Variants in MTDH observed in about 807,000 individuals in gnomAD.
MTDH encodes metadherin.
Under a neutral mutation model 72.7 loss-of-function variants are expected in MTDH, and 34 were observed. The ratio of observed to expected loss-of-function variants is 0.47; its 90% CI spans 0.36 to 0.62. The LOEUF (loss-of-function observed/expected upper bound fraction) is 0.62, where lower values mean the gene tolerates loss of function less well. Among genes scored for constraint, MTDH ranks in the 20% least tolerant of loss-of-function variants. MTDH has a pLI of 0.00. For missense variants in MTDH, 677 were observed against 699.4 expected (o/e 0.97, Z 0.36); for synonymous variants, 266 against 268.9 (o/e 0.99, Z 0.10).
At chr8:97,658,278 G>A (rs1202959489) in intron 1 of MTDH, among the ~76,000 whole-genome samples, 1 of 152,186 alleles carries the variant, frequency 6.6e-6, no homozygotes, top group Non-Finnish European at 1.5e-5. Context: ...TGCAAAGAAG[G>A]AACTAAAATT....
At chr8:97,699,604 TTTAAC>T (rs1343479771) in intron 6 of MTDH, 145 bp from the exon 7 acceptor site, 14 of 544,478 alleles carry the variant, frequency 2.6e-5, no homozygotes, top group South Asian at 7.0e-5. Flanking sequence ...TACTTTTCCT[TTTAAC>T]TTAATTCTTT....
chr8:97,677,033 A>ATTCAAAAT (rs1812878876), intron 2 of MTDH, among the ~76,000 whole-genome samples: 1 of 132,276 alleles, frequency 7.6e-6, no homozygotes, highest in Non-Finnish European at 1.7e-5. Context: ...AAATACAAAA[A>ATTCAAAAT]TTAGCCAGGC....
chr8:97,693,770 C>G (rs978163998), intron 6 of MTDH, among the ~76,000 whole-genome samples: 1 of 152,102 alleles, frequency 6.6e-6, no homozygotes, highest in African/African-American at 2.4e-5. Context: ...GGCTGGAGTG[C>G]AGTGGTGTGA....
intron 1 of MTDH, 45 bp from the exon 2 acceptor site, chr8:97,661,027 C>A: frequency 6.8e-7 from 1 of 1,465,234 alleles, no homozygotes; most frequent in Non-Finnish European, 9.5e-7. Context: ...TTGCACTGAT[C>A]TGCTAAGCAG....
At chr8:97,695,720 T>A (rs1336133599) in intron 6 of MTDH, among the ~76,000 whole-genome samples, 1 of 152,164 alleles carries the variant, frequency 6.6e-6, no homozygotes, top group Non-Finnish European at 1.5e-5. Flanking sequence ...ATCTATTAGG[T>A]ATGAATCTCT....
chr8:97,673,034 T>A (rs2130961947), intron 2 of MTDH, among the ~76,000 whole-genome samples: 1 of 152,318 alleles, frequency 6.6e-6, no homozygotes, highest in South Asian at 2.1e-4. Flanking sequence ...CTGTATGTAA[T>A]TCAGTCTAAT....
chr8:97,683,045 CTTTTTTTTTTTTTTTTTTTTTTTT>C lies in MTDH; in HGVS notation c.484-3609_484-3586del, dbSNP rs71271144. On this transcript the variant is annotated intron_variant, in intron 2 of 11. Coordinates refer to ENST00000336273, the MANE Select transcript of MTDH (RefSeq NM_178812.4). The stretch of plus-strand genomic sequence containing the variant: ...CTTTACCCTATGATGCTCTTAGACA[CTTTTTTTTTTTTTTTTTTTTTTTT>C]TTTTTTTTTTTTTGAGATGGAGTCT... Among the ~76,000 whole-genome samples, 5 of 44,386 alleles carry C rather than the reference CTTTTTTTTTTTTTTTTTTTTTTTT, an allele frequency of 1.1e-4. No individual in the cohort carries two copies. In the East Asian group the frequency reaches 3.0e-3, roughly 27 times the overall value. The allele number at this position is 44,386 out of a possible 152,430, so 29.1% of individuals were successfully genotyped here.
chr8:97,682,237 T>TAC, intron 2 of MTDH, among the ~76,000 whole-genome samples: 1 of 2,284 alleles, frequency 4.4e-4, no homozygotes, highest in Non-Finnish European at 9.3e-4. Context: ...ACTTTATATA[T>TAC]ATATATATAT....
chr8:97,696,004 A>G (rs1442822771), intron 6 of MTDH, among the ~76,000 whole-genome samples: 3 of 152,244 alleles, frequency 2.0e-5, no homozygotes, highest in Non-Finnish European at 2.9e-5. Flanking sequence ...CTGCCTAGCA[A>G]AGTTTCTGTA....
At chr8:97,698,296 G>T (rs1435973603) in intron 6 of MTDH, among the ~76,000 whole-genome samples, 1 of 152,142 alleles carries the variant, frequency 6.6e-6, no homozygotes, top group African/African-American at 2.4e-5. Flanking sequence ...TTCAGAAGGG[G>T]TGTATGTGTG....
intron 1 of MTDH, among the ~76,000 whole-genome samples, chr8:97,649,871 T>G (rs550241262): frequency 6.6e-6 from 1 of 152,342 alleles, no homozygotes; most frequent in East Asian, 1.9e-4. Flanking sequence ...CCCAAAGTGC[T>G]GGGATTACAG....
chr8:97,691,661 A>C, intron 6 of MTDH, among the ~76,000 whole-genome samples: 1 of 152,028 alleles, frequency 6.6e-6, no homozygotes, highest in Non-Finnish European at 1.5e-5. Flanking sequence ...TTCTGTTGAG[A>C]GCTATCAAGT....
chr8:97,693,159 C>A (rs986102622), intron 6 of MTDH, among the ~76,000 whole-genome samples: 4 of 152,180 alleles, frequency 2.6e-5, no homozygotes, highest in Non-Finnish European at 5.9e-5. Flanking sequence ...CTAATTTATA[C>A]TCAAAGCATC....
intron 9 of MTDH, among the ~76,000 whole-genome samples, chr8:97,715,968 A>T (rs1368721702): frequency 6.6e-6 from 1 of 152,036 alleles, no homozygotes; most frequent in African/African-American, 2.4e-5. Context: ...TCAGATCTAT[A>T]TTCTGAATCT....
chr8:97,684,559 C>T (rs1043270676), intron 2 of MTDH, among the ~76,000 whole-genome samples: 2 of 152,142 alleles, frequency 1.3e-5, no homozygotes, highest in Non-Finnish European at 2.9e-5. Flanking sequence ...GCTCCAAAAC[C>T]CTGTGGCTTG....
At chr8:97,691,430 A>G (rs1167434673) in intron 6 of MTDH, among the ~76,000 whole-genome samples, 1 of 152,196 alleles carries the variant, frequency 6.6e-6, no homozygotes. Flanking sequence ...GATTATCAAC[A>G]TAGCTAACTG....
At position 97,724,959 on chromosome 8, in the gene MTDH, T is replaced by C; in HGVS notation, c.*289T>C. ...ATCCTGGTTTAACAACAGTGCCCTG[T>C]TTACAACAGATTGTGCCCTATCTCA... On this transcript the variant is annotated 3_prime_UTR_variant, in exon 12 of 12. Coordinates refer to ENST00000336273, the MANE Select transcript of MTDH (RefSeq NM_178812.4). 1 of 212,848 alleles carries C rather than the reference T, an allele frequency of 4.7e-6. No individual in the cohort carries two copies. Among genetic ancestry groups the C allele is most frequent in the South Asian group, 1.0e-4 (1 of 9,946 alleles). 13.2% of individuals were successfully genotyped at this position (212,848 alleles called of 1,614,324 possible). A position where few individuals can be genotyped will look rare whatever the true frequency, so the allele number is the denominator to read the frequency against.
rs1330568381 is a variant in MTDH at position 97,691,943 on chromosome 8, G to A, written c.1048+755G>A. Among the ~76,000 whole-genome samples, 6 of 151,840 alleles carry A rather than the reference G, an allele frequency of 4.0e-5. No individual in the cohort carries two copies. The East Asian group carries it at 5.8e-4, about 15-fold the overall frequency. ...CTCCCAGGCTGGAGTGCAGTGGCGC[G>A]ATCTCAGCTCACTGCAACCTCCACC... On this transcript the variant is annotated intron_variant, in intron 6 of 11. Transcript: ENST00000336273.
chr8:97,697,383 T>G (rs1325592242), intron 6 of MTDH, among the ~76,000 whole-genome samples: 14 of 68,998 alleles, frequency 2.0e-4, no homozygotes, highest in African/African-American at 1.4e-4. Flanking sequence ...TTATTTCGGT[T>G]TTTTTTTTTT....
Sources: allele counts gnomAD v4.1 joint callset (sites outside exome capture counted in the v4.1 genomes callset), GRCh38; gene constraint gnomAD v4.1.1; transcripts MANE v1.5; gene names NCBI Gene and HGNC (gene_info 2026-07-23, HGNC 2026-07-21).